The following KDM5B variants were observed in gnomAD, a reference collection of about 807,000 sequenced individuals.
KDM5B encodes the protein lysine-specific demethylase 5B.
A neutral mutation model predicts 193.4 loss-of-function variants in KDM5B; 144 were observed. The ratio of observed to expected loss-of-function variants is 0.74; its 90% confidence interval spans 0.65 to 0.86. KDM5B has a LOEUF of 0.86. Ranked by LOEUF, KDM5B falls within the 40% of genes least tolerant of loss-of-function variation. KDM5B has a pLI of 0.00. For synonymous variants in KDM5B, 668 were observed against 682.6 expected (o/e 0.98, Z 0.33); for missense variants, 1,833 against 1,886.9 (o/e 0.97, Z 0.53).
chr1:202,781,459 T>C (rs1007529027), intron 1 of KDM5B, among the ~76,000 whole-genome samples: 3 of 152,246 alleles, frequency 2.0e-5, no homozygotes, highest in African/African-American at 4.8e-5. Flanking sequence ...TGCCTTTTTA[T>C]GGTTAATGTT....
chr1:202,738,758 C>T (rs1222371414), intron 20 of KDM5B, among the ~76,000 whole-genome samples: 1 of 152,100 alleles, frequency 6.6e-6, no homozygotes, highest in Non-Finnish European at 1.5e-5. Flanking sequence ...GGGAAGACAT[C>T]CCCCATCAAA....
chr1:202,736,475 C>T, intron 20 of KDM5B, 83 bp from the exon 21 acceptor site: 1 of 1,084,342 alleles, frequency 9.2e-7, no homozygotes, highest in South Asian at 1.9e-5. Context: ...CAGATTGGTC[C>T]ATTGAGTACT....
intron 20 of KDM5B, among the ~76,000 whole-genome samples, chr1:202,739,524 G>T (rs1490800195): frequency 2.6e-5 from 4 of 151,462 alleles, no homozygotes; most frequent in Non-Finnish European, 5.9e-5. Context: ...TCTCGCAGAG[G>T]GGGAGTTGGC....
chr1:202,753,577 G>A (rs1373166535), intron 11 of KDM5B, among the ~76,000 whole-genome samples: 1 of 151,492 alleles, frequency 6.6e-6, no homozygotes, highest in Non-Finnish European at 1.5e-5. Context: ...CTTTCCATCT[G>A]AACATCTGAA....
Position 202,748,979 on chromosome 1 carries a change from T to G in KDM5B, c.1982A>C (p.Asp661Ala). The G allele has an allele frequency of 1.2e-6, 2 of 1,613,266 alleles. No individual in the cohort carries two copies. The highest frequency in any genetic ancestry group is 1.7e-6 in the Non-Finnish European group (2 of 1,179,756). ...VQKDMAIMIEDEKALRETVRK... is the reference protein window; with the variant it reads ...VQKDMAIMIEAEKALRETVRK... Reference sequence around the variant, plus strand: ...GACAGTTTCTCTTAAAGCTTTCTCATCCTCAATCATAATGGCCATGTCTTT... The same window carrying G: ...GACAGTTTCTCTTAAAGCTTTCTCAGCCTCAATCATAATGGCCATGTCTTT... The change falls in exon 14 of 27, where the codon GAT becomes GCT. Residue 661 changes from aspartate to alanine, a missense_variant. Transcript: ENST00000367265.
At chr1:202,755,831 G>C (rs1655987147) in intron 10 of KDM5B, among the ~76,000 whole-genome samples, 1 of 152,108 alleles carries the variant, frequency 6.6e-6, no homozygotes, top group Non-Finnish European at 1.5e-5. Context: ...GGCGAAAAGG[G>C]AACTTCTGGG....
chr1:202,758,337 C>T (rs1160529748), intron 9 of KDM5B, 54 bp downstream of exon 9: 6 of 1,490,792 alleles, frequency 4.0e-6, no homozygotes, highest in Non-Finnish European at 4.5e-6. Flanking sequence ...TTCAGGTACA[C>T]TTTTCTCCAA....
intron 4 of KDM5B, among the ~76,000 whole-genome samples, chr1:202,768,874 C>T (rs1168524273): frequency 6.6e-6 from 1 of 151,594 alleles, no homozygotes; most frequent in Non-Finnish European, 1.5e-5. Context: ...TGCACCACCA[C>T]GCCCGGCTGA....
chr1:202,782,901 C>T (rs1657254520), intron 1 of KDM5B, among the ~76,000 whole-genome samples: 2 of 152,002 alleles, frequency 1.3e-5, no homozygotes, highest in South Asian at 4.1e-4. Context: ...TAGTGGGGTT[C>T]ACACTTTGCG....
chr1:202,755,202 T>C (rs920157340), intron 11 of KDM5B, 69 bp downstream of exon 11: 1 of 1,196,654 alleles, frequency 8.4e-7, no homozygotes, highest in Non-Finnish European at 1.2e-6. Flanking sequence ...AAGACACATC[T>C]GCACTGAAAA....
At chr1:202,792,433 G>A (rs924562313) in intron 1 of KDM5B, among the ~76,000 whole-genome samples, 1 of 152,086 alleles carries the variant, frequency 6.6e-6, no homozygotes, top group Non-Finnish European at 1.5e-5. Context: ...ATGGGAGGCA[G>A]TGGTACATTT....
intron 1 of KDM5B, among the ~76,000 whole-genome samples, chr1:202,783,502 C>CA (rs201339390): frequency 0.067 from 10,002 of 148,786 alleles, 548 homozygotes; most frequent in East Asian, 0.25. Flanking sequence ...AAGACTGTCT[C>CA]AAAAAAAAAC....
intron 20 of KDM5B, among the ~76,000 whole-genome samples, chr1:202,738,699 T>C (rs1655187357): frequency 6.6e-6 from 1 of 152,184 alleles, no homozygotes; most frequent in East Asian, 1.9e-4. Context: ...GACTTTTTTT[T>C]TTCTCAATAG....
In KDM5B at chr1:202,761,028, G is replaced by GA. The variant is rs796703688; in HGVS notation, c.919-456dup. 2.9e-4 allele frequency among the ~76,000 whole-genome samples: 43 copies of GA among 147,884 alleles called. 1 individual carries two copies. In the South Asian group the frequency reaches 4.4e-3, roughly 15 times the overall value. ...GGGTGACAGAGACCCTGTCTCAGGA[G>GA]AAAAAAAAAAAAGATACCAGGTAAT... On this transcript the variant is annotated intron_variant, in intron 7 of 26. Transcript: ENST00000367265.
At chr1:202,805,368 A>G (rs4950918) in intron 1 of KDM5B, among the ~76,000 whole-genome samples, 93,306 of 151,838 alleles carry the variant, frequency 0.61, 31,578 homozygotes, top group Middle Eastern at 0.77. Context: ...CATATACAAA[A>G]TAATGTAAGT....
intron 4 of KDM5B, among the ~76,000 whole-genome samples, chr1:202,772,592 A>G (rs1319908841): frequency 1.3e-5 from 2 of 152,232 alleles, no homozygotes; most frequent in African/African-American, 4.8e-5. Context: ...GGACAGTAAA[A>G]AAATTTCCTC....
intron 1 of KDM5B, among the ~76,000 whole-genome samples, chr1:202,799,827 G>A (rs961056843): frequency 1.3e-5 from 2 of 152,042 alleles, no homozygotes; most frequent in Non-Finnish European, 2.9e-5. Context: ...GTTCTAAAAG[G>A]TCATTATGTG....
At chr1:202,736,107 A>G (rs1231429972) in intron 21 of KDM5B, 106 bp downstream of exon 21, 2 of 817,362 alleles carry the variant, frequency 2.4e-6, no homozygotes, top group East Asian at 6.0e-5. Flanking sequence ...AGAACAACTC[A>G]CAGAATATAG....
rs1340432071 is a variant in KDM5B at position 202,749,095 on chromosome 1, A to T, written c.1866T>A (p.His622Gln). 6.2e-7 allele frequency: 1 copy of T among 1,613,958 alleles called. No individual in the cohort carries two copies. The highest frequency in any genetic ancestry group is 8.5e-7 in the Non-Finnish European group (1 of 1,179,994). Residue 622 changes from histidine to glutamine, a missense_variant, in exon 14 of 27, where the codon CAT (histidine) becomes CAA (glutamine). This residue lies in a region of KDM5B where 1,379 missense variants were observed against 1,349.6 expected (regional missense o/e 1.02). Transcript: ENST00000367265. ...CATCGTGGGAAAACACACAATATCG[A>T]TGAAGCAAGCGATAATGCTCCACAC... ...RQCVEHYRLLHRYCVFSHDEM... is the reference protein window; with the variant it reads ...RQCVEHYRLLQRYCVFSHDEM...
Sources: allele counts gnomAD v4.1 joint callset (sites outside exome capture counted in the v4.1 genomes callset), GRCh38; gene constraint gnomAD v4.1.1; regional missense constraint gnomAD v4.1.1; transcripts MANE v1.5; gene names NCBI Gene and HGNC (gene_info 2026-07-23, HGNC 2026-07-21).